Variants in CTNNA3 observed in about 807,000 individuals in gnomAD.
CTNNA3 encodes the protein catenin alpha-3.
CTNNA3 carries 76 observed loss-of-function variants against 95.7 expected under a neutral mutation model. The observed-to-expected ratio is 0.79, with a 90% CI of 0.66 to 0.96. CTNNA3 has a LOEUF of 0.96. CTNNA3 is among the 40% of genes least tolerant of loss of function. CTNNA3 has a pLI of 0.00. For synonymous variants in CTNNA3, 431 were observed against 374.4 expected (o/e 1.15, Z -1.74); for missense variants, 1,191 against 1,089.8 (o/e 1.09, Z -1.31).
chr10:65,923,073 G>A (rs972631708), intron 17 of CTNNA3, among the ~76,000 whole-genome samples: 3 of 152,204 alleles, frequency 2.0e-5, no homozygotes, highest in South Asian at 2.1e-4. Flanking sequence ...ATTACAGGTC[G>A]CTCCCTCACA....
At chr10:67,151,835 C>T (rs978985590) in intron 7 of CTNNA3, among the ~76,000 whole-genome samples, 1 of 152,172 alleles carries the variant, frequency 6.6e-6, no homozygotes, top group African/African-American at 2.4e-5. Flanking sequence ...AGAATGCAAA[C>T]TTAAGATTAT....
intron 5 of CTNNA3, among the ~76,000 whole-genome samples, chr10:67,402,722 G>C (rs1487621944): frequency 1.3e-5 from 2 of 152,168 alleles, no homozygotes; most frequent in African/African-American, 4.8e-5. Flanking sequence ...CAGATCAGGA[G>C]ATCCCCTCAT....
At chr10:67,389,501 A>G (rs1159625952) in intron 5 of CTNNA3, among the ~76,000 whole-genome samples, 4 of 152,144 alleles carry the variant, frequency 2.6e-5, no homozygotes, top group East Asian at 3.9e-4. Flanking sequence ...AGACAGATCA[A>G]TGAGACAAAG....
chr10:67,039,716 C>T (rs1854278698), intron 7 of CTNNA3, among the ~76,000 whole-genome samples: 2 of 152,058 alleles, frequency 1.3e-5, no homozygotes, highest in South Asian at 4.1e-4. Context: ...TAAGAACCAT[C>T]CCAAAAATGC....
intron 15 of CTNNA3, among the ~76,000 whole-genome samples, chr10:66,045,004 C>A (rs2079799008): frequency 6.6e-6 from 1 of 152,066 alleles, no homozygotes; most frequent in South Asian, 2.1e-4. Flanking sequence ...GTGTTGGATT[C>A]CAAAGCCAAC....
At chr10:67,349,368 A>T (rs1048768671) in intron 5 of CTNNA3, among the ~76,000 whole-genome samples, 1 of 152,220 alleles carries the variant, frequency 6.6e-6, no homozygotes, top group Non-Finnish European at 1.5e-5. Flanking sequence ...AATATTATTC[A>T]GCCTTTAAAA....
chr10:66,071,135 G>A (rs1367284370), intron 14 of CTNNA3, among the ~76,000 whole-genome samples: 1 of 152,100 alleles, frequency 6.6e-6, no homozygotes, highest in African/African-American at 2.4e-5. Context: ...GAAAGTCTAG[G>A]TGAAAAATTC....
At chr10:66,780,299 GA>G (rs1564678268) in intron 7 of CTNNA3, among the ~76,000 whole-genome samples, 1 of 152,072 alleles carries the variant, frequency 6.6e-6, no homozygotes, top group Non-Finnish European at 1.5e-5. Context: ...AGCAGAAATA[GA>G]AGCATTAAAT....
chr10:66,425,031 C>T (rs1272075135), intron 11 of CTNNA3, among the ~76,000 whole-genome samples: 1 of 151,898 alleles, frequency 6.6e-6, no homozygotes, highest in East Asian at 1.9e-4. Context: ...GTTGGTTCTG[C>T]TTTGTTCTGA....
intron 10 of CTNNA3, among the ~76,000 whole-genome samples, chr10:66,550,002 A>G (rs1842165841): frequency 6.6e-6 from 1 of 152,052 alleles, no homozygotes; most frequent in Non-Finnish European, 1.5e-5. Flanking sequence ...GTCTTCATTG[A>G]TTTTTGTCTA....
intron 7 of CTNNA3, among the ~76,000 whole-genome samples, chr10:66,951,226 C>T (rs1244849393): frequency 1.3e-5 from 2 of 151,878 alleles, no homozygotes; most frequent in African/African-American, 4.8e-5. Context: ...AGCGATTCTC[C>T]TGCCTCAGCC....
At chr10:67,114,481 A>C (rs954238768) in intron 7 of CTNNA3, among the ~76,000 whole-genome samples, 2 of 152,110 alleles carry the variant, frequency 1.3e-5, no homozygotes, top group African/African-American at 2.4e-5. Context: ...AGTCCACACA[A>C]AATGTATTTA....
At chr10:65,994,392 G>T (rs2078605913) in intron 15 of CTNNA3, among the ~76,000 whole-genome samples, 1 of 151,518 alleles carries the variant, frequency 6.6e-6, no homozygotes, top group African/African-American at 2.4e-5. Context: ...ATAGCTGAAG[G>T]ATCAATTTTG....
chr10:66,661,953 T>A (rs1846278720), intron 9 of CTNNA3, among the ~76,000 whole-genome samples: 1 of 152,214 alleles, frequency 6.6e-6, no homozygotes. Flanking sequence ...AAAAATTTCA[T>A]GCAGCTTCAA....
At chr10:67,081,648 G>T (rs1490956395) in intron 7 of CTNNA3, among the ~76,000 whole-genome samples, 1 of 152,100 alleles carries the variant, frequency 6.6e-6, no homozygotes, top group Non-Finnish European at 1.5e-5. Flanking sequence ...TGTCACTGTT[G>T]CTCCATATAC....
At chr10:67,032,123 T>C (rs1853765070) in intron 7 of CTNNA3, among the ~76,000 whole-genome samples, 1 of 152,186 alleles carries the variant, frequency 6.6e-6, no homozygotes, top group Non-Finnish European at 1.5e-5. Flanking sequence ...CAAGGTTTGT[T>C]TCCACTTTAT....
intron 7 of CTNNA3, among the ~76,000 whole-genome samples, chr10:66,785,340 T>A (rs1475262216): frequency 6.6e-6 from 1 of 152,152 alleles, no homozygotes; most frequent in Non-Finnish European, 1.5e-5. Context: ...TGAAGCTGTT[T>A]TCAGAATAAA....
intron 9 of CTNNA3, among the ~76,000 whole-genome samples, chr10:66,650,559 C>T (rs1421095664): frequency 2.0e-5 from 3 of 152,148 alleles, no homozygotes; most frequent in Non-Finnish European, 2.9e-5. Context: ...AATGAAGCCG[C>T]GGACCCTCAC....
At chr10:67,068,945 A>C (rs1215982168) in intron 7 of CTNNA3, among the ~76,000 whole-genome samples, 1 of 152,174 alleles carries the variant, frequency 6.6e-6, no homozygotes, top group Non-Finnish European at 1.5e-5. Flanking sequence ...CTGTAATCCC[A>C]GCTACTCAGG....
Sources: gnomAD v4.1 joint callset for allele counts (sites outside exome capture counted in the v4.1 genomes callset) on GRCh38, gnomAD v4.1.1 for gene constraint, MANE v1.5 for transcripts, NCBI Gene and HGNC (gene_info 2026-07-23, HGNC 2026-07-21) for gene names.